PIGN: variants seen among roughly 807,000 people sequenced by gnomAD.
PIGN encodes the protein phosphatidylinositol glycan anchor biosynthesis class N.
A neutral mutation model predicts 125.4 loss-of-function variants in PIGN; 117 were observed. The observed-to-expected ratio is 0.93, with a 90% CI of 0.80 to 1.09. PIGN has a LOEUF of 1.09. PIGN is among the 50% of genes least tolerant of loss of function. The pLI, the probability that PIGN is intolerant of heterozygous loss-of-function variation, is 0.00. For synonymous variants in PIGN, 392 were observed against 377.8 expected (o/e 1.04, Z -0.44); for missense variants, 1,075 against 1,094.9 (o/e 0.98, Z 0.26).
chr18:62,078,689 T>A (rs749593821), intron 28 of PIGN, among the ~76,000 whole-genome samples: 3 of 152,228 alleles, frequency 2.0e-5, no homozygotes, highest in Admixed American at 6.5e-5. Flanking sequence ...TGAAGTCAGG[T>A]TAGTTATATG....
chr18:62,078,216 A>G (rs74593393), intron 28 of PIGN, among the ~76,000 whole-genome samples: 5,844 of 152,312 alleles, frequency 0.038, 374 homozygotes, highest in African/African-American at 0.13. Context: ...TTAGCCAGAA[A>G]TTTGAGGGTG....
At chr18:62,164,378 A>C (rs1208090313) in intron 1 of PIGN, among the ~76,000 whole-genome samples, 5 of 152,198 alleles carry the variant, frequency 3.3e-5, no homozygotes, top group Non-Finnish European at 7.3e-5. Context: ...ATTTATGAAG[A>C]AAAGTGGTTT....
At chr18:62,030,905 G>A (rs906368945) in intron 23 of PIGN, among the ~76,000 whole-genome samples, 8 of 152,032 alleles carry the variant, frequency 5.3e-5, no homozygotes, top group South Asian at 2.1e-4. Flanking sequence ...CCAGCTACTC[G>A]AGGCTGAGGT....
At position 62,088,415 on chromosome 18, in the gene PIGN, A is replaced by G. The variant is rs183020341; in HGVS notation, c.2370+341T>C. The G allele has an allele frequency of 1.5e-3, 244 of 165,562 alleles. 1 individual carries two copies. The highest frequency in any genetic ancestry group is 5.4e-3 in the African/African-American group (227 of 41,750). The allele number at this position is 165,562 out of a possible 1,614,324, so 10.3% of individuals were successfully genotyped here. On this transcript the variant is annotated intron_variant, in intron 25 of 30. Coordinates refer to ENST00000640252, the MANE Select transcript of PIGN (RefSeq NM_176787.5). ...TGAACTCATAATTGTGGTTTCTTCC[A>G]GGATGTGAGAAATTCGATTGAAGTC... is the stretch of plus-strand genomic sequence containing the variant.
In PIGN at chr18:62,045,874, G is replaced by A. The variant is rs748933288; in HGVS notation, c.2778C>T (p.Pro926=). The A allele has an allele frequency of 1.9e-6, 3 of 1,613,612 alleles. No homozygotes were observed. The highest frequency in any genetic ancestry group is 1.7e-5 in the Admixed American group (1 of 59,984). ...TTKKLRLCGK[P]KSHFM is the part of the protein sequence containing the mutation. ...AGCAACCTCACATGAAGTGACTTTT[G>A]GGTTTGCCACATAGTCTGAGTTTCT... Residue 926 remains proline, a synonymous_variant, in exon 31 of 31, where the codon CCC becomes CCT. Transcript: ENST00000640252.
chr18:62,101,221 G>T, intron 21 of PIGN, 38 bp from the exon 22 acceptor site: 1 of 1,189,888 alleles, frequency 8.4e-7, no homozygotes. Context: ...AAAAGAGAAG[G>T]TAGTGAAAGA....
chr18:62,046,080 C>CT, intron 30 of PIGN, 101 bp from the exon 31 acceptor site: 1 of 1,209,670 alleles, frequency 8.3e-7, no homozygotes, highest in East Asian at 2.6e-5. Context: ...AAAATCTCCA[C>CT]TTTCAGGAGC....
At chr18:62,184,195 A>G (rs1266276437) in intron 1 of PIGN, among the ~76,000 whole-genome samples, 3 of 152,234 alleles carry the variant, frequency 2.0e-5, no homozygotes, top group Non-Finnish European at 4.4e-5. Context: ...CATTCAGAAT[A>G]TTACTTGTGG....
At chr18:62,083,930 A>G (rs1229618972) in intron 27 of PIGN, among the ~76,000 whole-genome samples, 1 of 152,136 alleles carries the variant, frequency 6.6e-6, no homozygotes, top group African/African-American at 2.4e-5. Context: ...AGTTTACTTT[A>G]TTTAAACAAA....
At chr18:62,175,867 C>T (rs573697248) in intron 1 of PIGN, among the ~76,000 whole-genome samples, 5 of 152,240 alleles carry the variant, frequency 3.3e-5, no homozygotes, top group South Asian at 2.1e-4. Context: ...AGAAATTTTA[C>T]TTATTTTGGG....
intron 11 of PIGN, 101 bp downstream of exon 11, chr18:62,143,205 G>C (rs1376374291): frequency 4.5e-6 from 3 of 670,954 alleles, no homozygotes; most frequent in East Asian, 5.9e-5. Context: ...TTTTGAAAAA[G>C]ACTTTGTCAA....
intron 23 of PIGN, among the ~76,000 whole-genome samples, chr18:62,092,335 G>C (rs942696058): frequency 3.3e-5 from 5 of 152,014 alleles, no homozygotes; most frequent in Non-Finnish European, 7.4e-5. Context: ...TATATAGTTT[G>C]TTGTAGATAT....
chr18:62,019,362 C>T (rs1038465464), intron 23 of PIGN, among the ~76,000 whole-genome samples: 41 of 152,272 alleles, frequency 2.7e-4, no homozygotes, highest in African/African-American at 9.4e-4. Context: ...CAAGACATTT[C>T]GTTAGTTACA....
intron 23 of PIGN, among the ~76,000 whole-genome samples, chr18:62,093,186 G>A (rs2034041595): frequency 6.6e-6 from 1 of 151,958 alleles, no homozygotes; most frequent in Non-Finnish European, 1.5e-5. Flanking sequence ...TATATATGAA[G>A]TTACTGTTTC....
At chr18:62,139,121 AGGCTAT>A (rs2036042102) in intron 12 of PIGN, 46 bp from the exon 13 acceptor site, 1 of 1,169,420 alleles carries the variant, frequency 8.6e-7, no homozygotes, top group African/African-American at 1.5e-5. Flanking sequence ...CAGACAGCTC[AGGCTAT>A]CCTTATAAAA....
intron 1 of PIGN, among the ~76,000 whole-genome samples, chr18:62,178,300 C>A (rs986279064): frequency 6.6e-6 from 1 of 151,820 alleles, no homozygotes; most frequent in South Asian, 2.1e-4. Context: ...AAATGTCAGA[C>A]CAGATTTTAG....
intron 7 of PIGN, among the ~76,000 whole-genome samples, chr18:62,150,259 C>T (rs776737539): frequency 6.6e-5 from 10 of 152,226 alleles, no homozygotes; most frequent in Non-Finnish European, 1.0e-4. Context: ...GCTGGGATTA[C>T]AGGCGTGAGC....
intron 30 of PIGN, among the ~76,000 whole-genome samples, chr18:62,066,589 A>G (rs925413190): frequency 6.6e-6 from 1 of 152,200 alleles, no homozygotes; most frequent in African/African-American, 2.4e-5. Context: ...TTTATCTAAT[A>G]GAGAGGACTC....
At chr18:62,050,137 G>A (rs954626242) in intron 30 of PIGN, among the ~76,000 whole-genome samples, 16 of 152,200 alleles carry the variant, frequency 1.1e-4, no homozygotes, top group African/African-American at 3.4e-4. Flanking sequence ...GTAGCGTGAT[G>A]CCTCCAGCTT....
Sources: gnomAD v4.1 joint callset for allele counts (sites outside exome capture counted in the v4.1 genomes callset) on GRCh38, gnomAD v4.1.1 for gene constraint, MANE v1.5 for transcripts, NCBI Gene and HGNC (gene_info 2026-07-23, HGNC 2026-07-21) for gene names.